HEPHL1: variants seen among roughly 807,000 people sequenced by gnomAD.
HEPHL1 encodes the protein hephaestin like 1.
Under a neutral mutation model 122.0 loss-of-function variants are expected in HEPHL1, and 123 were observed. That is an observed-to-expected ratio of 1.01 (90% CI 0.87 to 1.17). The LOEUF is 1.17. Among genes scored for constraint, HEPHL1 ranks in the 50% most tolerant of loss-of-function variants. HEPHL1 has a pLI of 0.00. For missense variants in HEPHL1, 1,452 were observed against 1,430.5 expected (o/e 1.01, Z -0.24); for synonymous variants, 527 against 508.9 (o/e 1.04, Z -0.48).
Position 94,048,675 on chromosome 11 carries a change from T to G in HEPHL1, c.415+2758T>G, listed in dbSNP as rs930737027. Among the ~76,000 whole-genome samples, 14 of 152,284 alleles carry G rather than the reference T, an allele frequency of 9.2e-5. No homozygotes were observed. In the East Asian group the frequency reaches 2.5e-3, roughly 27 times the overall value. On this transcript the variant is annotated intron_variant, in intron 2 of 19. Transcript: ENST00000315765. ...CTGTGCCCAGCCTGTGGACAAAATT[T>G]TGAACCCACTTTTAAGAGGTTCTCA...
chr11:94,101,726 A>G (rs1205597208), intron 14 of HEPHL1, among the ~76,000 whole-genome samples: 1 of 152,184 alleles, frequency 6.6e-6, no homozygotes, highest in Non-Finnish European at 1.5e-5. Flanking sequence ...GAATAGTTTC[A>G]CTGCCCTAAA....
At chr11:94,072,607 T>C (rs907371457) in intron 6 of HEPHL1, among the ~76,000 whole-genome samples, 3 of 152,116 alleles carry the variant, frequency 2.0e-5, no homozygotes, top group African/African-American at 7.2e-5. Flanking sequence ...ACTCCATTCC[T>C]TAATAATGCC....
chr11:94,101,361 A>G, intron 14 of HEPHL1, 26 bp downstream of exon 14: 1 of 1,594,952 alleles, frequency 6.3e-7, no homozygotes, highest in Non-Finnish European at 8.6e-7. Flanking sequence ...GGTCTGCTCC[A>G]TCTTGAAGAA....
chr11:94,060,147 T>C (rs1286093091), intron 2 of HEPHL1, among the ~76,000 whole-genome samples: 18 of 82,266 alleles, frequency 2.2e-4, no homozygotes, highest in African/African-American at 8.0e-4. Context: ...TATATATATA[T>C]ATACACGCAC....
At chr11:94,063,844 C>A in intron 3 of HEPHL1, 124 bp downstream of exon 3, 2 of 753,242 alleles carry the variant, frequency 2.7e-6, no homozygotes, top group Non-Finnish European at 4.5e-6. Context: ...GAAATTCTGA[C>A]ATGGAAGATC....
intron 13 of HEPHL1, among the ~76,000 whole-genome samples, chr11:94,098,472 A>T (rs1591487684): frequency 1.3e-5 from 2 of 152,236 alleles, no homozygotes; most frequent in East Asian, 1.9e-4. Context: ...AGCTTTGGTG[A>T]ATCTGACAAT....
At chr11:94,032,576 C>G (rs1197226613) in intron 1 of HEPHL1, among the ~76,000 whole-genome samples, 1 of 152,134 alleles carries the variant, frequency 6.6e-6, no homozygotes, top group Non-Finnish European at 1.5e-5. Context: ...GGGAGGCATA[C>G]CCAGCAAACT....
At position 94,030,330 on chromosome 11, in the gene HEPHL1, G is replaced by A. The variant is rs891943629; in HGVS notation, c.170+8792G>A. ...TCTTCCTTCTCCTTTTGCACAGCCT[G>A]TTCAATCAGGAGTTGTATTCAGCTA... is the stretch of plus-strand genomic sequence containing the variant. On this transcript the variant is annotated intron_variant, in intron 1 of 19. Transcript: ENST00000315765. 7.9e-5 allele frequency among the ~76,000 whole-genome samples: 12 copies of A among 152,280 alleles called. No homozygotes were observed. In the East Asian group the frequency reaches 1.7e-3, roughly 22 times the overall value.
At position 94,106,130 on chromosome 11, in the gene HEPHL1, A is replaced by G. The variant is rs1238197971; in HGVS notation, c.3045A>G (p.Lys1015=). The change falls in exon 17 of 20, where the codon AAA becomes AAG. Residue 1015 remains lysine, a splice_region_variant and synonymous_variant. Coordinates refer to ENST00000315765, the MANE Select transcript of HEPHL1 (RefSeq NM_001098672.2). Reference sequence around the variant, plus strand: ...ATCATGCTGAGAGCTTTCTTTTCAAAGTAAGTATAAGGAAAGTGCTTTGGG... The same window carrying G: ...ATCATGCTGAGAGCTTTCTTTTCAAGGTAAGTATAAGGAAAGTGCTTTGGG... The part of the protein sequence containing the change: ...IHYHAESFLF[K]IDKSYREDVY... The G allele has an allele frequency of 6.4e-7, 1 of 1,552,900 alleles. No homozygotes were observed. The highest frequency in any genetic ancestry group is 1.8e-5 in the Admixed American group (1 of 55,734).
chr11:94,113,759 G>A lies in HEPHL1; in HGVS notation c.*1865G>A, dbSNP rs549850121. On this transcript the variant is annotated 3_prime_UTR_variant, in exon 20 of 20. Transcript: ENST00000315765. Reference sequence around the variant, plus strand: ...AAAGTGTCACATAAGGTGGCTATTTGCATGGTTATTTTCACTTAAAATTAT... The same window carrying A: ...AAAGTGTCACATAAGGTGGCTATTTACATGGTTATTTTCACTTAAAATTAT... 1 of 151,872 alleles carries A rather than the reference G, an allele frequency of 6.6e-6. No individual in the cohort carries two copies. The highest frequency in any genetic ancestry group is 2.4e-5 in the African/African-American group (1 of 41,336). The allele number at this position is 151,872 out of a possible 1,614,324, so 9.4% of individuals were successfully genotyped here.
At chr11:94,082,781 G>C (rs1432906439) in intron 10 of HEPHL1, among the ~76,000 whole-genome samples, 1 of 152,154 alleles carries the variant, frequency 6.6e-6, no homozygotes, top group Non-Finnish European at 1.5e-5. Flanking sequence ...CACTTTATCA[G>C]CCTTAGATGA....
chr11:94,084,294 C>T (rs780594143), intron 10 of HEPHL1, among the ~76,000 whole-genome samples: 5 of 151,360 alleles, frequency 3.3e-5, no homozygotes, highest in Admixed American at 1.3e-4. Flanking sequence ...AATGGCTCCA[C>T]TGCACTCCAG....
intron 12 of HEPHL1, 32 bp downstream of exon 12, chr11:94,089,000 G>A (rs756811229): frequency 1.3e-6 from 2 of 1,592,270 alleles, no homozygotes; most frequent in South Asian, 2.2e-5. Context: ...GGGCTCCTCG[G>A]TGGGATCGCG....
Position 94,082,515 on chromosome 11 carries a change from C to T in HEPHL1, c.1814C>T (p.Pro605Leu). 1 of 1,613,194 alleles carries T rather than the reference C, an allele frequency of 6.2e-7. No individual in the cohort carries two copies. The highest frequency in any genetic ancestry group is 2.2e-5 in the East Asian group (1 of 44,852). The change falls in exon 10 of 20, where the codon CCC becomes CTC. Residue 605 changes from proline (P) to leucine (L), a missense_variant. Physicochemically the swap from Pro to Leu is moderately conservative, Grantham distance 98. Coordinates refer to ENST00000315765, the MANE Select transcript of HEPHL1 (RefSeq NM_001098672.2). Reference protein sequence around the residue: ...DENIQKFIWHPFSIDKEDKEF... With the variant: ...DENIQKFIWHLFSIDKEDKEF... ...AACATTCAGAAGTTTATCTGGCATCCCTTCAGCATTGACAAAGAAGATAAA... is the reference window on the plus strand; with the variant it reads ...AACATTCAGAAGTTTATCTGGCATCTCTTCAGCATTGACAAAGAAGATAAA...
intron 12 of HEPHL1, among the ~76,000 whole-genome samples, chr11:94,093,132 TGA>T (rs1946274940): frequency 6.8e-6 from 1 of 147,928 alleles, no homozygotes; most frequent in Non-Finnish European, 1.5e-5. Flanking sequence ...GTGTGTGTGA[TGA>T]CACACACATG....
intron 17 of HEPHL1, among the ~76,000 whole-genome samples, chr11:94,106,703 G>A (rs1946412153): frequency 6.6e-6 from 1 of 152,126 alleles, no homozygotes; most frequent in African/African-American, 2.4e-5. Context: ...TGACCACCCT[G>A]GAATATGCTG....
intron 16 of HEPHL1, among the ~76,000 whole-genome samples, chr11:94,105,707 T>C (rs1459968368): frequency 2.6e-5 from 4 of 152,212 alleles, no homozygotes; most frequent in African/African-American, 9.7e-5. Context: ...TGAGACTGTA[T>C]TTCCCTTCAT....
At chr11:94,063,098 T>C (rs1300038809) in intron 2 of HEPHL1, among the ~76,000 whole-genome samples, 1 of 152,204 alleles carries the variant, frequency 6.6e-6, no homozygotes, top group Non-Finnish European at 1.5e-5. Context: ...GTGGTGAATC[T>C]GAAATAAGTC....
intron 5 of HEPHL1, among the ~76,000 whole-genome samples, chr11:94,069,175 T>C (rs559728179): frequency 1.3e-5 from 2 of 152,344 alleles, no homozygotes; most frequent in African/African-American, 2.4e-5. Context: ...ATTAGCCCGA[T>C]AGTTGTGGAC....
Sources: gnomAD v4.1 joint callset for allele counts (sites outside exome capture counted in the v4.1 genomes callset) on GRCh38, gnomAD v4.1.1 for gene constraint, MANE v1.5 for transcripts, NCBI Gene and HGNC (gene_info 2026-07-23, HGNC 2026-07-21) for gene names.